Variants in SMARCA5 observed in about 807,000 individuals in gnomAD.
The protein encoded by SMARCA5 is SNF2 related chromatin remodeling ATPase 5, also known as SWI/SNF-related matrix-associated actin-dependent regulator of chromatin subfamily A member 5.
SMARCA5 carries 18 observed loss-of-function variants against 140.4 expected under a neutral mutation model. The ratio of observed to expected loss-of-function variants is 0.13; its 90% CI spans 0.09 to 0.19. The LOEUF is 0.19. Among genes scored for constraint, SMARCA5 ranks in the 10% least tolerant of loss-of-function variants. The probability of loss-of-function intolerance (pLI) is 1.00; values close to 1 mark genes in which losing one functional copy is unlikely to be tolerated. For missense variants in SMARCA5, 606 were observed against 1,276.8 expected, an observed-to-expected ratio of 0.47 and a Z score of 8.01; for synonymous variants, 449 against 419.6, an observed-to-expected ratio of 1.07 and a Z score of -0.86.
intron 8 of SMARCA5, 135 bp from the exon 9 acceptor site, chr4:143,530,323 G>A (rs1205118935): frequency 2.0e-6 from 1 of 510,748 alleles, no homozygotes; most frequent in African/African-American, 2.0e-5. Context: ...TGAAAACCAG[G>A]ATTGGACTAA....
At chr4:143,552,698 GA>G (rs1737667425) in intron 23 of SMARCA5, among the ~76,000 whole-genome samples, 1 of 151,776 alleles carries the variant, frequency 6.6e-6, no homozygotes, top group South Asian at 2.1e-4. Flanking sequence ...CACTTAAAGG[GA>G]AAAAATGTTA....
intron 2 of SMARCA5, among the ~76,000 whole-genome samples, chr4:143,520,904 C>T (rs1478080587): frequency 1.3e-5 from 2 of 152,028 alleles, no homozygotes; most frequent in East Asian, 3.8e-4. Flanking sequence ...AATCCCAATA[C>T]CGTTTTAAAA....
At chr4:143,551,242 T>G (rs1167143893) in intron 23 of SMARCA5, among the ~76,000 whole-genome samples, 2 of 152,150 alleles carry the variant, frequency 1.3e-5, no homozygotes, top group African/African-American at 4.8e-5. Flanking sequence ...TTTTGCCTAT[T>G]TTTAAATCGG....
At chr4:143,525,297 C>A (rs148751974) in intron 4 of SMARCA5, among the ~76,000 whole-genome samples, 154 bp from the exon 5 acceptor site, 7 of 152,282 alleles carry the variant, frequency 4.6e-5, no homozygotes, top group African/African-American at 1.7e-4. Flanking sequence ...CAGACCATGG[C>A]AGCTACCTCT....
chr4:143,514,119 C>T lies in SMARCA5; in HGVS notation c.177+18C>T. On this transcript the variant is annotated intron_variant, in intron 1 of 23. Transcript: ENST00000283131. ...AGATGGAGGTGAGGGCGACTTGCGG[C>T]ATGGGGAGCGGGTGCAGCGGGGAGG... 4.0e-6 allele frequency: 6 copies of T among 1,517,470 alleles called. No homozygotes were observed. Among genetic ancestry groups the T allele is most frequent in the Non-Finnish European group, 4.4e-6 (5 of 1,139,624 alleles). The allele number at this position is 1,517,470 out of a possible 1,614,324, so 94.0% of individuals were successfully genotyped here.
chr4:143,535,891 C>T (rs1015886419), intron 10 of SMARCA5, among the ~76,000 whole-genome samples: 4 of 152,086 alleles, frequency 2.6e-5, no homozygotes, highest in African/African-American at 9.7e-5. Context: ...ATGGCTGTAG[C>T]TTCACAGTCC....
rs114488605 is a variant in SMARCA5, at chr4:143,530,766, T to C, written c.1158+240T>C. Among the ~76,000 whole-genome samples, 165 of 152,296 alleles carry C rather than the reference T, an allele frequency of 1.1e-3. 1 individual carries two copies. The highest frequency in any genetic ancestry group is 3.8e-3 in the African/African-American group (156 of 41,570). On this transcript the variant is annotated intron_variant, in intron 9 of 23. Transcript: ENST00000283131. ...GGGAGAAAGTATTCTCTTACAGTTA[T>C]ACAAAATACAGTGGGGGGAAGAAGA... is the stretch of plus-strand genomic sequence containing the variant.
At chr4:143,548,585 T>C (rs1314511197) in intron 22 of SMARCA5, among the ~76,000 whole-genome samples, 1 of 152,082 alleles carries the variant, frequency 6.6e-6, no homozygotes, top group Non-Finnish European at 1.5e-5. Flanking sequence ...TAGTGCTAGG[T>C]TTTGTTTTTA....
At chr4:143,550,153 T>G (rs367586726) in intron 23 of SMARCA5, 49 bp downstream of exon 23, 3 of 1,082,816 alleles carry the variant, frequency 2.8e-6, no homozygotes, top group Non-Finnish European at 4.0e-6. Context: ...AATTTCCCCT[T>G]TCTAAGTATT....
chr4:143,545,693 C>CTT (rs1737511040), intron 18 of SMARCA5, 110 bp downstream of exon 18: 1 of 794,498 alleles, frequency 1.3e-6, no homozygotes, highest in African/African-American at 1.7e-5. Flanking sequence ...AACAATACTG[C>CTT]TTTAGCCTAG....
chr4:143,543,673 A>C lies in SMARCA5; in HGVS notation c.2052+16A>C, dbSNP rs79084340. On this transcript the variant is annotated intron_variant, in intron 15 of 23. Coordinates refer to ENST00000283131, the MANE Select transcript of SMARCA5 (RefSeq NM_003601.4). ...TGCAAAGAAGGTGAGATGTAGATTA[A>C]ATAATGCTTTTAATATAGAATGTTT... 8.6e-5 allele frequency: 138 copies of C among 1,600,366 alleles called. 1 individual carries two copies. The African/African-American group carries it at 1.6e-3, about 18-fold the overall frequency.
At chr4:143,517,188 A>G (rs1354455824) in intron 1 of SMARCA5, among the ~76,000 whole-genome samples, 167 bp from the exon 2 acceptor site, 1 of 152,172 alleles carries the variant, frequency 6.6e-6, no homozygotes, top group Non-Finnish European at 1.5e-5. Flanking sequence ...AGTATCTAAT[A>G]TCATTTTATC....
intron 23 of SMARCA5, among the ~76,000 whole-genome samples, chr4:143,552,568 A>G (rs1187579000): frequency 6.6e-6 from 1 of 152,086 alleles, no homozygotes; most frequent in Non-Finnish European, 1.5e-5. Flanking sequence ...CTCATTGAGA[A>G]TACAAGTTAT....
chr4:143,540,370 C>G lies in SMARCA5; in HGVS notation c.1778C>G (p.Ala593Gly). ...PQVDLQAMDR[A>G]HRIGQTKTVR... ...ACATGGTAATTTATTTAGGACCGAG[C>G]ACATAGAATTGGGCAGACTAAGACA... is the stretch of plus-strand genomic sequence containing the variant. The change falls in exon 14 of 24, where the codon GCA becomes GGA. Residue 593 changes from alanine to glycine, a missense_variant. By Grantham distance (60) the Ala-to-Gly change is moderately conservative. This residue lies in a region of SMARCA5 where 62 missense variants were observed against 256.6 expected (regional missense o/e 0.24). Transcript: ENST00000283131. The G allele has an allele frequency of 6.2e-7, 1 of 1,602,642 alleles. No individual in the cohort carries two copies. Among genetic ancestry groups the G allele is most frequent in the Non-Finnish European group, 8.5e-7 (1 of 1,175,480 alleles).
intron 1 of SMARCA5, 80 bp downstream of exon 1, chr4:143,514,181 C>T: frequency 2.3e-6 from 3 of 1,326,926 alleles, no homozygotes; most frequent in Non-Finnish European, 3.0e-6. Flanking sequence ...GGCGATCGGA[C>T]GCAGAGCCGG....
intron 8 of SMARCA5, 110 bp downstream of exon 8, chr4:143,528,824 T>A: frequency 2.3e-6 from 2 of 880,556 alleles, no homozygotes; most frequent in Non-Finnish European, 3.3e-6. Context: ...TATTATTAAT[T>A]TTTTATGCTT....
chr4:143,536,747 T>A, intron 11 of SMARCA5, 69 bp downstream of exon 11: 1 of 1,071,678 alleles, frequency 9.3e-7, no homozygotes, highest in Non-Finnish European at 1.4e-6. Flanking sequence ...AGGAGCACTG[T>A]ACTTTGAAAT....
chr4:143,524,812 T>G (rs1190212908), intron 4 of SMARCA5, among the ~76,000 whole-genome samples: 3 of 152,320 alleles, frequency 2.0e-5, no homozygotes, highest in Admixed American at 6.5e-5. Flanking sequence ...TGTTTTTATA[T>G]TAATTTAATT....
At chr4:143,529,660 C>T (rs1294846636) in intron 8 of SMARCA5, among the ~76,000 whole-genome samples, 7 of 151,946 alleles carry the variant, frequency 4.6e-5, no homozygotes, top group Admixed American at 3.9e-4. Context: ...GCATAGCTGG[C>T]GTCTTATGTG....
Sources: allele counts gnomAD v4.1 joint callset (sites outside exome capture counted in the v4.1 genomes callset), GRCh38; gene constraint gnomAD v4.1.1; regional missense constraint gnomAD v4.1.1; transcripts MANE v1.5; gene names NCBI Gene and HGNC (gene_info 2026-07-23, HGNC 2026-07-21).